Variants in GPBP1L1 observed in about 807,000 individuals in gnomAD.
GPBP1L1 encodes vasculin-like protein 1.
GPBP1L1 carries 23 observed loss-of-function variants against 52.5 expected under a neutral mutation model. The observed-to-expected ratio is 0.44, with a 90% confidence interval of 0.32 to 0.62. The LOEUF is 0.62. Ranked by LOEUF, GPBP1L1 falls within the 20% of genes least tolerant of loss-of-function variation. GPBP1L1 has a pLI of 0.06. For missense variants in GPBP1L1, 596 were observed against 579.3 expected, an observed-to-expected ratio of 1.03 and a Z score of -0.30; for synonymous variants, 243 against 203.1, an observed-to-expected ratio of 1.20 and a Z score of -1.67.
At chr1:45,676,963 G>A (rs1376179574) in intron 2 of GPBP1L1, among the ~76,000 whole-genome samples, 1 of 151,928 alleles carries the variant, frequency 6.6e-6, no homozygotes, top group East Asian at 1.9e-4. Flanking sequence ...GCCGAAGAGG[G>A]AGGATCACTT....
At chr1:45,659,710 G>A (rs1301701525) in intron 3 of GPBP1L1, among the ~76,000 whole-genome samples, 1 of 152,258 alleles carries the variant, frequency 6.6e-6, no homozygotes, top group Middle Eastern at 3.4e-3. Flanking sequence ...TTGGGAGGCC[G>A]AGGTGGATCG....
intron 2 of GPBP1L1, 25 bp downstream of exon 2, chr1:45,685,551 G>C (rs1036577951): frequency 6.6e-6 from 1 of 152,132 alleles, no homozygotes; most frequent in Non-Finnish European, 1.5e-5. Context: ...TAAACTTTTG[G>C]AATAGTCAAC....
intron 6 of GPBP1L1, among the ~76,000 whole-genome samples, chr1:45,643,346 G>A (rs1328148000): frequency 6.6e-6 from 1 of 152,168 alleles, no homozygotes; most frequent in Non-Finnish European, 1.5e-5. Flanking sequence ...TTTCTTAGGG[G>A]AGATTAAGTT....
At chr1:45,682,185 A>G (rs1367378125) in intron 2 of GPBP1L1, among the ~76,000 whole-genome samples, 1 of 152,204 alleles carries the variant, frequency 6.6e-6, no homozygotes, top group African/African-American at 2.4e-5. Context: ...CAAATTAACT[A>G]AACAGCCCCA....
intron 8 of GPBP1L1, chr1:45,634,446 A>G (rs750563872): frequency 8.4e-5 from 36 of 426,804 alleles, no homozygotes; most frequent in Non-Finnish European, 1.5e-4. Flanking sequence ...GCCATTGGAC[A>G]TTAATAGTGA....
chr1:45,669,253 GCTC>G (rs1233375801), intron 2 of GPBP1L1, among the ~76,000 whole-genome samples: 1 of 152,162 alleles, frequency 6.6e-6, no homozygotes, highest in Non-Finnish European at 1.5e-5. Context: ...ATAGCTTTAA[GCTC>G]CTGAGTTTAA....
chr1:45,655,710 C>G, intron 4 of GPBP1L1: 1 of 160,738 alleles, frequency 6.2e-6, no homozygotes, highest in Non-Finnish European at 1.3e-5. Context: ...TTTAGTATTT[C>G]TGGAATAAGG....
intron 8 of GPBP1L1, among the ~76,000 whole-genome samples, chr1:45,639,366 A>G (rs920091394): frequency 4.6e-5 from 7 of 152,130 alleles, no homozygotes; most frequent in Non-Finnish European, 8.8e-5. Context: ...GAGAATGACT[A>G]AGGAGGAAGA....
At chr1:45,634,269 C>A in intron 8 of GPBP1L1, 33 bp from the exon 9 acceptor site, 1 of 1,561,336 alleles carries the variant, frequency 6.4e-7, no homozygotes, top group Non-Finnish European at 8.7e-7. Flanking sequence ...TCAGTCAGAA[C>A]AAGCACACAA....
At chr1:45,632,585 G>A (rs11587650) in intron 10 of GPBP1L1, among the ~76,000 whole-genome samples, 46,960 of 150,916 alleles carry the variant, frequency 0.31, 9,198 homozygotes, top group Non-Finnish European at 0.45. Context: ...GCGTGGTGGC[G>A]GGTGCCTGTA....
chr1:45,668,393 C>A (rs1645035453), intron 2 of GPBP1L1, among the ~76,000 whole-genome samples: 1 of 152,216 alleles, frequency 6.6e-6, no homozygotes, highest in Non-Finnish European at 1.5e-5. Context: ...GTGGCTCACG[C>A]CTGTCATCTC....
At chr1:45,636,545 C>A (rs1483807499) in intron 8 of GPBP1L1, among the ~76,000 whole-genome samples, 4 of 152,176 alleles carry the variant, frequency 2.6e-5, no homozygotes, top group Non-Finnish European at 5.9e-5. Context: ...TTCCTTTACT[C>A]CAAACATACC....
intron 2 of GPBP1L1, among the ~76,000 whole-genome samples, chr1:45,673,341 T>G (rs1005130074): frequency 6.6e-6 from 1 of 152,044 alleles, no homozygotes; most frequent in African/African-American, 2.4e-5. Context: ...AATTAAAGCG[T>G]GAAACTGAAG....
chr1:45,671,474 G>A (rs1325978606), intron 2 of GPBP1L1, among the ~76,000 whole-genome samples: 1 of 152,102 alleles, frequency 6.6e-6, no homozygotes, highest in Non-Finnish European at 1.5e-5. Flanking sequence ...CCAAAATGCT[G>A]GGATTACAGG....
chr1:45,666,148 C>T (rs1350632012), intron 2 of GPBP1L1, among the ~76,000 whole-genome samples: 3 of 149,022 alleles, frequency 2.0e-5, no homozygotes, highest in Admixed American at 6.7e-5. Context: ...TTTTTTTAGA[C>T]GGAGTCTTCT....
At chr1:45,632,304 G>A (rs1047188431) in intron 10 of GPBP1L1, among the ~76,000 whole-genome samples, 1 of 152,342 alleles carries the variant, frequency 6.6e-6, no homozygotes, top group East Asian at 1.9e-4. Context: ...TTGGGAGGCT[G>A]AGGCAGGAGA....
intron 2 of GPBP1L1, among the ~76,000 whole-genome samples, chr1:45,673,393 G>A (rs1334358611): frequency 6.6e-6 from 1 of 152,136 alleles, no homozygotes; most frequent in Non-Finnish European, 1.5e-5. Flanking sequence ...AGCAGAGTAA[G>A]GGCCCACACT....
intron 6 of GPBP1L1, among the ~76,000 whole-genome samples, chr1:45,646,805 C>A (rs559018596): frequency 6.6e-6 from 1 of 152,124 alleles, no homozygotes; most frequent in Admixed American, 6.5e-5. Context: ...GATCTGCCCC[C>A]CTCGGCCTCC....
At chr1:45,664,441 A>G (rs6671239) in intron 2 of GPBP1L1, among the ~76,000 whole-genome samples, 2 of 144,706 alleles carry the variant, frequency 1.4e-5, no homozygotes, top group Admixed American at 1.4e-4. Context: ...TGGTGGGCGC[A>G]TGTAGTTCCA....
Sources: gnomAD v4.1 joint callset for allele counts (sites outside exome capture counted in the v4.1 genomes callset) on GRCh38, gnomAD v4.1.1 for gene constraint, MANE v1.5 for transcripts, NCBI Gene and HGNC (gene_info 2026-07-23, HGNC 2026-07-21) for gene names.